Variants in SSH2 observed in about 807,000 individuals in gnomAD.
SSH2 encodes protein phosphatase Slingshot homolog 2.
In SSH2, 37 loss-of-function variants were observed where a neutral mutation model predicts 135.2. That is an observed-to-expected ratio of 0.27 (90% CI 0.21 to 0.36). The LOEUF is 0.36. SSH2 is among the 10% of genes least tolerant of loss of function. The pLI, the probability that SSH2 is intolerant of heterozygous loss-of-function variation, is 1.00. For synonymous variants in SSH2, 628 were observed against 646.2 expected (o/e 0.97, Z 0.43); for missense variants, 1,408 against 1,765.3 (o/e 0.80, Z 3.63).
chr17:29,665,453 T>G (rs563618882), intron 11 of SSH2, among the ~76,000 whole-genome samples: 1 of 152,334 alleles, frequency 6.6e-6, no homozygotes, highest in East Asian at 1.9e-4. Flanking sequence ...ATAGTCTGAG[T>G]GCCTCATGAA....
chr17:29,682,571 TGAGAC>T (rs1301601504), intron 6 of SSH2, among the ~76,000 whole-genome samples: 1 of 151,756 alleles, frequency 6.6e-6, no homozygotes, highest in Non-Finnish European at 1.5e-5. Context: ...GCTCAGGAGT[TGAGAC>T]CAGCCTGGGC....
intron 3 of SSH2, among the ~76,000 whole-genome samples, chr17:29,773,983 T>G (rs1279552110): frequency 2.0e-5 from 3 of 152,204 alleles, no homozygotes; most frequent in Non-Finnish European, 2.9e-5. Context: ...TGGGTTATAA[T>G]AGGAATCTTT....
At chr17:29,790,319 C>T (rs1280000076) in intron 3 of SSH2, among the ~76,000 whole-genome samples, 1 of 152,118 alleles carries the variant, frequency 6.6e-6, no homozygotes, top group Non-Finnish European at 1.5e-5. Context: ...CTCTCTCTTT[C>T]TTTCTCCCCA....
intron 3 of SSH2, among the ~76,000 whole-genome samples, chr17:29,706,341 C>G (rs1567899871): frequency 1.3e-5 from 2 of 152,186 alleles, no homozygotes; most frequent in South Asian, 4.1e-4. Context: ...CTGAAACACA[C>G]CTTCTAAAAA....
intron 3 of SSH2, among the ~76,000 whole-genome samples, chr17:29,727,651 G>T (rs1598887570): frequency 6.6e-6 from 1 of 152,132 alleles, no homozygotes; most frequent in East Asian, 1.9e-4. Context: ...GACTAACTTT[G>T]CTTCTTACCT....
intron 3 of SSH2, among the ~76,000 whole-genome samples, chr17:29,739,546 G>C (rs2151202938): frequency 6.6e-6 from 1 of 152,302 alleles, no homozygotes. Context: ...GAATCAGGCT[G>C]AAGATTACGT....
At chr17:29,854,718 C>T (rs1022467149) in intron 1 of SSH2, among the ~76,000 whole-genome samples, 7 of 151,882 alleles carry the variant, frequency 4.6e-5, no homozygotes, top group African/African-American at 7.3e-5. Flanking sequence ...GAGGCCGAGG[C>T]GGGTGGATCA....
chr17:29,857,329 T>C (rs531408045), intron 1 of SSH2, among the ~76,000 whole-genome samples: 1 of 152,244 alleles, frequency 6.6e-6, no homozygotes, highest in East Asian at 1.9e-4. Flanking sequence ...GGAACTCCTT[T>C]CTTTAAAACC....
chr17:29,667,048 C>G, intron 10 of SSH2, 53 bp from the exon 11 acceptor site: 1 of 1,611,536 alleles, frequency 6.2e-7, no homozygotes, highest in Non-Finnish European at 8.5e-7. Context: ...TCTGTACTTT[C>G]AACCATGCAC....
chr17:29,916,860 G>A (rs987476110), intron 1 of SSH2, among the ~76,000 whole-genome samples: 1 of 152,040 alleles, frequency 6.6e-6, no homozygotes, highest in Admixed American at 6.6e-5. Context: ...GCTAAATATT[G>A]TAATTATGAA....
At chr17:29,750,255 T>C (rs1391147273) in intron 3 of SSH2, among the ~76,000 whole-genome samples, 1 of 151,042 alleles carries the variant, frequency 6.6e-6, no homozygotes, top group African/African-American at 2.4e-5. Flanking sequence ...CTGGCCAACA[T>C]GGCGAAACCC....
chr17:29,835,958 CAA>C (rs34869280), intron 2 of SSH2, among the ~76,000 whole-genome samples: 13 of 77,530 alleles, frequency 1.7e-4, no homozygotes, highest in Admixed American at 4.0e-4. Context: ...GACTTCGTCT[CAA>C]AAAAAAAAAA....
At chr17:29,922,837 T>C (rs1365364124) in intron 1 of SSH2, among the ~76,000 whole-genome samples, 1 of 152,238 alleles carries the variant, frequency 6.6e-6, no homozygotes, top group Non-Finnish European at 1.5e-5. Flanking sequence ...AAAATGAGCA[T>C]TCTTATACTA....
rs556418517 is a variant in SSH2, at chr17:29,911,732, T to G, written c.63+18206A>C. Among the ~76,000 whole-genome samples, 4 of 152,324 alleles carry G rather than the reference T, an allele frequency of 2.6e-5. No individual in the cohort carries two copies. In the East Asian group the frequency reaches 7.7e-4, roughly 29 times the overall value. On this transcript the variant is annotated intron_variant, in intron 1 of 15. Transcript: ENST00000540801. ...GGACTTAAACTCAAGCTTTCTAATTTCAACTTCCTTGGCCATATAATAAAA... is the reference window on the plus strand; with the variant it reads ...GGACTTAAACTCAAGCTTTCTAATTGCAACTTCCTTGGCCATATAATAAAA...
intron 1 of SSH2, among the ~76,000 whole-genome samples, chr17:29,854,186 C>G (rs1428785035): frequency 1.3e-5 from 2 of 151,850 alleles, no homozygotes; most frequent in African/African-American, 4.9e-5. Context: ...ATCATATTCC[C>G]TACATAACCT....
At chr17:29,784,065 C>CAA (rs71138857) in intron 3 of SSH2, among the ~76,000 whole-genome samples, 104 of 8,226 alleles carry the variant, frequency 0.013, 16 homozygotes, top group Middle Eastern at 0.062. Flanking sequence ...GACTCCGTCT[C>CAA]AAAAAAAAAA....
At position 29,632,025 on chromosome 17, in the gene SSH2, T is replaced by C; in HGVS notation, c.3169A>G (p.Ile1057Val). 2 of 1,614,252 alleles carry C rather than the reference T, an allele frequency of 1.2e-6. No individual in the cohort carries two copies. Among genetic ancestry groups the C allele is most frequent in the Admixed American group, 1.7e-5 (1 of 60,026 alleles). Residue 1057 changes from isoleucine (I) to valine (V), a missense_variant, in exon 16 of 16, where the codon ATA becomes GTA. Coordinates refer to ENST00000540801, the MANE Select transcript of SSH2 (RefSeq NM_001282129.2). Reference protein sequence around the residue: ...SPNHTGPGSEIATSEKSGEQG... With the variant: ...SPNHTGPGSEVATSEKSGEQG... ...TCTCCGCTCTTCTCACTGGTGGCTATTTCACTCCCTGGCCCAGTGTGATTG... is the reference window on the plus strand; with the variant it reads ...TCTCCGCTCTTCTCACTGGTGGCTACTTCACTCCCTGGCCCAGTGTGATTG...
chr17:29,755,758 T>A (rs549480733), intron 3 of SSH2, among the ~76,000 whole-genome samples: 1 of 150,658 alleles, frequency 6.6e-6, no homozygotes, highest in South Asian at 2.1e-4. Context: ...GCCTCCTGGG[T>A]TCACGCCATT....
chr17:29,919,459 T>G (rs963728013), intron 1 of SSH2, among the ~76,000 whole-genome samples: 15 of 152,186 alleles, frequency 9.9e-5, no homozygotes, highest in Non-Finnish European at 1.9e-4. Flanking sequence ...TGAGGGGCAC[T>G]GTGATCAGTA....
Sources: allele counts gnomAD v4.1 joint callset (sites outside exome capture counted in the v4.1 genomes callset), GRCh38; gene constraint gnomAD v4.1.1; transcripts MANE v1.5; gene names NCBI Gene and HGNC (gene_info 2026-07-23, HGNC 2026-07-21).